The following C1GALT1 variants were observed in gnomAD, a reference collection of about 807,000 sequenced individuals.
C1GALT1 encodes core 1 synthase, glycoprotein-N-acetylgalactosamine 3-beta-galactosyltransferase 1.
A neutral mutation model predicts 31.0 loss-of-function variants in C1GALT1; 11 were observed. The observed-to-expected ratio is 0.36, with a 90% CI of 0.22 to 0.59. The LOEUF (loss-of-function observed/expected upper bound fraction) is 0.59, where lower values mean the gene tolerates loss of function less well. C1GALT1 is among the 20% of genes least tolerant of loss of function. The pLI, the probability that C1GALT1 is intolerant of heterozygous loss-of-function variation, is 0.79. For synonymous variants in C1GALT1, 175 were observed against 143.6 expected, an observed-to-expected ratio of 1.22 and a Z score of -1.56; for missense variants, 424 against 425.2, an observed-to-expected ratio of 1.00 and a Z score of 0.03.
chr7:7,201,059 C>T (rs1363269319), intron 1 of C1GALT1, among the ~76,000 whole-genome samples: 3 of 152,208 alleles, frequency 2.0e-5, no homozygotes, highest in Non-Finnish European at 4.4e-5. Flanking sequence ...AGCTGCGTTC[C>T]TTTGGAGGAG....
rs771861888 is a variant in C1GALT1 at position 7,243,712 on chromosome 7, G to A, written c.1077G>A (p.Lys359=). The stretch of plus-strand genomic sequence containing the variant: ...ACAAAAATGAAGATACAAAAGTGAA[G>A]TTAGGAAATCCTTGAAAGAAAATCA... ...QANKNEDTKV[K]LGNP Residue 359 remains lysine, a synonymous_variant, in exon 4 of 4, where the codon AAG becomes AAA. Transcript: ENST00000436587. 1.0e-5 allele frequency: 16 copies of A among 1,602,610 alleles called. No homozygotes were observed. Among genetic ancestry groups the A allele is most frequent in the Non-Finnish European group, 1.4e-5 (16 of 1,175,850 alleles).
At chr7:7,167,065 A>C (rs969687879) in intron 2 of C1GALT1, among the ~76,000 whole-genome samples, 2 of 152,188 alleles carry the variant, frequency 1.3e-5, no homozygotes, top group Non-Finnish European at 2.9e-5. Context: ...TATTCCACAT[A>C]AATGCTCCTC....
Position 7,248,412 on chromosome 7 carries a change from A to T in C1GALT1, c.*4685A>T, listed in dbSNP as rs1381449883. 1 of 152,032 alleles carries T rather than the reference A, an allele frequency of 6.6e-6. No homozygotes were observed. Among genetic ancestry groups the T allele is most frequent in the Non-Finnish European group, 1.5e-5 (1 of 67,886 alleles). The allele number at this position is 152,032 out of a possible 1,614,324, so 9.4% of individuals were successfully genotyped here. The stretch of plus-strand genomic sequence containing the variant: ...ACTGCTAAGCAGTGTGTTGTACTAC[A>T]TAGTGAATGTTCGTGTTTTGGAATT... On this transcript the variant is annotated 3_prime_UTR_variant, in exon 4 of 4. Transcript: ENST00000436587.
At chr7:7,241,732 G>A (rs1224172789) in intron 3 of C1GALT1, among the ~76,000 whole-genome samples, 1 of 151,898 alleles carries the variant, frequency 6.6e-6, no homozygotes, top group Non-Finnish European at 1.5e-5. Context: ...CTTTGTAACT[G>A]AATTCTCTAT....
chr7:7,239,830 A>T (rs1035466100), intron 3 of C1GALT1, among the ~76,000 whole-genome samples: 2 of 152,212 alleles, frequency 1.3e-5, no homozygotes, highest in African/African-American at 4.8e-5. Flanking sequence ...TCAGATTTTT[A>T]AATAAATATC....
chr7:7,159,338 A>G (rs1390601849), intron 2 of C1GALT1, among the ~76,000 whole-genome samples: 1 of 152,162 alleles, frequency 6.6e-6, no homozygotes, highest in East Asian at 1.9e-4. Flanking sequence ...ACTAAAAAAT[A>G]AAAAGGAAGA....
chr7:7,157,682 T>C lies in C1GALT1; in HGVS notation c.-18+256T>C, dbSNP rs572392509. On this transcript the variant is annotated intron_variant, in intron 2 of 3. Transcript: ENST00000429911. Reference sequence around the variant, plus strand: ...AGGTGTCTATTAGCTTCCCTAAAGATACTCTTTTGAAGTATAATCAACCTC... The same window carrying C: ...AGGTGTCTATTAGCTTCCCTAAAGACACTCTTTTGAAGTATAATCAACCTC... Among the ~76,000 whole-genome samples, 11 of 152,348 alleles carry C rather than the reference T, an allele frequency of 7.2e-5. No individual in the cohort carries two copies. In the South Asian group the frequency reaches 2.1e-3, roughly 29 times the overall value.
At chr7:7,231,460 C>G (rs1763254774) in intron 1 of C1GALT1, among the ~76,000 whole-genome samples, 1 of 152,126 alleles carries the variant, frequency 6.6e-6, no homozygotes, top group Admixed American at 6.5e-5. Flanking sequence ...ACATTAGACC[C>G]TTTCACTTTA....
chr7:7,241,753 TCTTCA>T (rs1381801004), intron 3 of C1GALT1, among the ~76,000 whole-genome samples: 2 of 152,140 alleles, frequency 1.3e-5, no homozygotes, highest in African/African-American at 2.4e-5. Flanking sequence ...TTCTGATGAT[TCTTCA>T]CTTGAGATTC....
At chr7:7,239,791 T>G (rs1377108684) in intron 3 of C1GALT1, among the ~76,000 whole-genome samples, 1 of 152,206 alleles carries the variant, frequency 6.6e-6, no homozygotes, top group Admixed American at 6.5e-5. Context: ...TTCAGTTATT[T>G]AAAGAAGAAA....
chr7:7,161,071 G>A (rs572166158), intron 2 of C1GALT1, among the ~76,000 whole-genome samples: 2 of 152,062 alleles, frequency 1.3e-5, no homozygotes, highest in Middle Eastern at 6.8e-3. Flanking sequence ...CAAAATTACT[G>A]ACTACTTGTG....
At chr7:7,231,105 C>G (rs1474787113) in intron 1 of C1GALT1, among the ~76,000 whole-genome samples, 2 of 152,044 alleles carry the variant, frequency 1.3e-5, no homozygotes, top group African/African-American at 2.4e-5. Flanking sequence ...AAGGCTCATT[C>G]TTGAAGGACA....
chr7:7,216,868 CT>C (rs1352046819), intron 1 of C1GALT1, among the ~76,000 whole-genome samples: 1 of 152,188 alleles, frequency 6.6e-6, no homozygotes, highest in Non-Finnish European at 1.5e-5. Context: ...TGACCATGTG[CT>C]TCCCAGAGAA....
Position 7,238,784 on chromosome 7 carries a change from G to C in C1GALT1, c.750G>C (p.Met250Ile). The C allele has an allele frequency of 6.2e-7, 1 of 1,613,752 alleles. No individual in the cohort carries two copies. Reference protein sequence around the residue: ...DLALGRCMEIMNVEAGDSRDT... With the variant: ...DLALGRCMEIINVEAGDSRDT... ...CACTGGGGAGATGCATGGAAATTAT[G>C]AATGTAGAAGCAGGAGATTCCAGAG... The change falls in exon 3 of 4, where the codon ATG becomes ATC. Residue 250 changes from methionine (M) to isoleucine (I), a missense_variant. This residue lies in a region of C1GALT1 where 191 missense variants were observed against 188.8 expected (regional missense o/e 1.01). Transcript: ENST00000436587. The surrounding 1 kb of genome is among the most constrained non-coding windows in gnomAD (Gnocchi z 5.2).
intron 2 of C1GALT1, among the ~76,000 whole-genome samples, chr7:7,166,214 G>C (rs1780391199): frequency 6.6e-6 from 1 of 152,184 alleles, no homozygotes; most frequent in Non-Finnish European, 1.5e-5. Context: ...ACTGGGAAGA[G>C]AGTGTAGCAC....
intron 2 of C1GALT1, among the ~76,000 whole-genome samples, chr7:7,171,597 T>C (rs1182601569): frequency 6.6e-6 from 1 of 152,184 alleles, no homozygotes; most frequent in Admixed American, 6.5e-5. Context: ...TAATTACTCA[T>C]AATGAAGTAT....
At chr7:7,172,919 A>C (rs1161110990) in intron 2 of C1GALT1, among the ~76,000 whole-genome samples, 5 of 152,350 alleles carry the variant, frequency 3.3e-5, no homozygotes, top group African/African-American at 1.2e-4. Context: ...TAGTATCATA[A>C]AGAATAGTTT....
intron 1 of C1GALT1, among the ~76,000 whole-genome samples, chr7:7,218,370 GTAT>G: frequency 6.6e-6 from 1 of 152,302 alleles, no homozygotes; most frequent in East Asian, 1.9e-4. Context: ...GCATTGAAAA[GTAT>G]TATATTTTTA....
At chr7:7,198,215 C>G (rs1211795078) in intron 1 of C1GALT1, among the ~76,000 whole-genome samples, 1 of 152,102 alleles carries the variant, frequency 6.6e-6, no homozygotes, top group African/African-American at 2.4e-5. Context: ...CCATCAATAC[C>G]TAATTTATTG....
Sources: gnomAD v4.1 joint callset for allele counts (sites outside exome capture counted in the v4.1 genomes callset) on GRCh38, gnomAD v4.1.1 for gene constraint, gnomAD v4.1.1 regional missense constraint, Gnocchi (gnomAD v3.1) non-coding constraint, MANE v1.5 for transcripts, NCBI Gene and HGNC (gene_info 2026-07-23, HGNC 2026-07-21) for gene names.